Variants in THSD4 observed in about 807,000 individuals in gnomAD.
The protein encoded by THSD4 is thrombospondin type 1 domain containing 4.
Under a neutral mutation model 119.0 loss-of-function variants are expected in THSD4, and 69 were observed. That is an observed-to-expected ratio of 0.58 (90% CI 0.48 to 0.71). The LOEUF is 0.71. THSD4 is among the 30% of genes least tolerant of loss of function. The pLI, the probability that THSD4 is intolerant of heterozygous loss-of-function variation, is 0.00. For synonymous variants in THSD4, 524 were observed against 540.4 expected, an observed-to-expected ratio of 0.97 and a Z score of 0.42; for missense variants, 1,393 against 1,391.1, an observed-to-expected ratio of 1.00 and a Z score of -0.02.
At chr15:71,729,090 C>G (rs896865687) in intron 9 of THSD4, 4 of 252,238 alleles carry the variant, frequency 1.6e-5, no homozygotes, top group South Asian at 1.1e-4. Context: ...CTTTTTATGG[C>G]AAAAGAAAGC....
chr15:71,476,673 C>G (rs914116692), intron 7 of THSD4, among the ~76,000 whole-genome samples: 14 of 152,224 alleles, frequency 9.2e-5, no homozygotes, highest in Admixed American at 6.5e-4. Flanking sequence ...AGGTCCAAAT[C>G]TATAGCTAAA....
At chr15:71,640,228 A>G (rs2050829712) in intron 7 of THSD4, among the ~76,000 whole-genome samples, 1 of 151,414 alleles carries the variant, frequency 6.6e-6, no homozygotes, top group South Asian at 2.1e-4. Flanking sequence ...GACTACAGGT[A>G]CACACTGCTA....
At chr15:71,111,361 C>G (rs778567395), upstream of THSD4, 1 of 1,613,612 alleles carries the variant, frequency 6.2e-7, no homozygotes, top group South Asian at 1.1e-5. Flanking sequence ...GGTTACAGGT[C>G]AAGTAGAGAG....
chr15:71,279,991 G>A (rs942020232), intron 6 of THSD4, among the ~76,000 whole-genome samples: 2 of 152,160 alleles, frequency 1.3e-5, no homozygotes, highest in Non-Finnish European at 2.9e-5. Flanking sequence ...AGGTTCCGGC[G>A]AGATGCCATG....
chr15:71,490,103 T>G (rs1038244994), intron 7 of THSD4, among the ~76,000 whole-genome samples: 1 of 152,176 alleles, frequency 6.6e-6, no homozygotes, highest in African/African-American at 2.4e-5. Context: ...ACCATTTCCA[T>G]ATTGCTAGGC....
intron 3 of THSD4, among the ~76,000 whole-genome samples, chr15:71,171,709 G>A (rs1288740050): frequency 1.3e-5 from 2 of 152,266 alleles, no homozygotes; most frequent in African/African-American, 4.8e-5. Context: ...ATGTGTATAA[G>A]TAAATTATGT....
chr15:71,710,730 A>G (rs2141090910), intron 8 of THSD4, among the ~76,000 whole-genome samples: 1 of 152,340 alleles, frequency 6.6e-6, no homozygotes, highest in East Asian at 1.9e-4. Context: ...TGAGCAGAGC[A>G]GGTCTTGAAC....
chr15:71,631,292 CAG>C (rs1239925262), intron 7 of THSD4, among the ~76,000 whole-genome samples: 1 of 152,128 alleles, frequency 6.6e-6, no homozygotes. Context: ...AGGATACACT[CAG>C]GGTTGAAAAG....
intron 6 of THSD4, among the ~76,000 whole-genome samples, chr15:71,401,443 A>G (rs1357931514): frequency 6.6e-6 from 1 of 152,198 alleles, no homozygotes; most frequent in African/African-American, 2.4e-5. Flanking sequence ...AGAGTCAAAT[A>G]GTTCTAAAAG....
chr15:71,736,641 C>T (rs55930741), intron 10 of THSD4, among the ~76,000 whole-genome samples: 2 of 152,038 alleles, frequency 1.3e-5, no homozygotes, highest in Admixed American at 1.3e-4. Context: ...CACTTGCTCT[C>T]TCTCTCCCTT....
chr15:71,646,094 C>T (rs188695795), intron 7 of THSD4, among the ~76,000 whole-genome samples: 2 of 152,318 alleles, frequency 1.3e-5, no homozygotes, highest in East Asian at 1.9e-4. Context: ...TAGATAGATA[C>T]GAGCACAGAT....
At chr15:71,382,986 CAATG>C (rs2046246714) in intron 6 of THSD4, among the ~76,000 whole-genome samples, 1 of 152,172 alleles carries the variant, frequency 6.6e-6, no homozygotes, top group African/African-American at 2.4e-5. Flanking sequence ...AACTTTGAAA[CAATG>C]AATTTTGAAA....
intron 7 of THSD4, among the ~76,000 whole-genome samples, chr15:71,604,102 T>C (rs770556888): frequency 1.3e-5 from 2 of 152,126 alleles, no homozygotes; most frequent in Non-Finnish European, 2.9e-5. Flanking sequence ...TGAAAAATAA[T>C]GGAGAGGAAA....
chr15:71,109,275 T>TCTGTAAGC (rs901650087), intron 1 of THSD4, among the ~76,000 whole-genome samples: 4 of 152,320 alleles, frequency 2.6e-5, no homozygotes, highest in Middle Eastern at 3.4e-3. Flanking sequence ...GGGAGTTTTG[T>TCTGTAAGC]CTGTAAGCCA....
chr15:71,727,010 C>T (rs1020457128), intron 8 of THSD4, among the ~76,000 whole-genome samples: 1 of 151,966 alleles, frequency 6.6e-6, no homozygotes, highest in Admixed American at 6.6e-5. Context: ...CCAAGGGTAG[C>T]TGAAGAAATT....
intron 6 of THSD4, among the ~76,000 whole-genome samples, chr15:71,369,483 T>A (rs1169784199): frequency 6.6e-6 from 1 of 152,224 alleles, no homozygotes; most frequent in Non-Finnish European, 1.5e-5. Context: ...TGAGAGTTTT[T>A]AGCATGAAGG....
At chr15:71,636,316 G>A (rs948760856) in intron 7 of THSD4, among the ~76,000 whole-genome samples, 5 of 152,024 alleles carry the variant, frequency 3.3e-5, no homozygotes, top group Admixed American at 6.6e-5. Context: ...CCAGCAACTC[G>A]GGAGGCTGAG....
intron 7 of THSD4, among the ~76,000 whole-genome samples, chr15:71,454,777 C>T (rs2140593777): frequency 6.6e-6 from 1 of 152,340 alleles, no homozygotes; most frequent in East Asian, 1.9e-4. Context: ...GCTCTCCAAA[C>T]ATCTCTCCCT....
chr15:71,276,875 G>A (rs1231534237), intron 6 of THSD4, among the ~76,000 whole-genome samples: 1 of 152,204 alleles, frequency 6.6e-6, no homozygotes, highest in Non-Finnish European at 1.5e-5. Context: ...CTTAGGATGG[G>A]TGAAATTGTC....
Sources: allele counts gnomAD v4.1 joint callset (sites outside exome capture counted in the v4.1 genomes callset), GRCh38; gene constraint gnomAD v4.1.1; transcripts MANE v1.5; gene names NCBI Gene and HGNC (gene_info 2026-07-23, HGNC 2026-07-21).